LCMT1: variants seen among roughly 807,000 people sequenced by gnomAD.
LCMT1 encodes [Phosphatase 2A protein]-leucine-carboxy methyltransferase 1.
A neutral mutation model predicts 47.7 loss-of-function variants in LCMT1; 32 were observed. The ratio of observed to expected loss-of-function variants is 0.67; its 90% CI spans 0.51 to 0.90. The LOEUF (loss-of-function observed/expected upper bound fraction) is 0.90, where lower values mean the gene tolerates loss of function less well. LCMT1 is among the 40% of genes least tolerant of loss of function. LCMT1 has a pLI of 0.00. For synonymous variants in LCMT1, 152 were observed against 149.7 expected, an observed-to-expected ratio of 1.02 and a Z score of -0.11; for missense variants, 375 against 415.2, an observed-to-expected ratio of 0.90 and a Z score of 0.84.
intron 2 of LCMT1, among the ~76,000 whole-genome samples, chr16:25,129,301 G>GA (rs199746649): frequency 1.3e-4 from 18 of 138,346 alleles, no homozygotes; most frequent in East Asian, 8.4e-4. Flanking sequence ...GAGTAAAAAA[G>GA]AAAAAAAAAA....
chr16:25,136,584 C>G lies in LCMT1; in HGVS notation c.328-3587C>G, dbSNP rs1033477485. Among the ~76,000 whole-genome samples, 9 of 152,078 alleles carry G rather than the reference C, an allele frequency of 5.9e-5. No homozygotes were observed. The South Asian group carries it at 1.9e-3, about 32-fold the overall frequency. On this transcript the variant is annotated intron_variant, in intron 3 of 10. Coordinates refer to ENST00000399069, the MANE Select transcript of LCMT1 (RefSeq NM_016309.3). ...CCCATCAACCCGTCAGAGTCTCACT[C>G]TGTTGCCCAGGCTGCAGTGCAGTGG...
intron 1 of LCMT1, among the ~76,000 whole-genome samples, chr16:25,119,387 C>T (rs1395562278): frequency 1.3e-5 from 2 of 151,982 alleles, no homozygotes; most frequent in South Asian, 2.1e-4. Flanking sequence ...CTGGAATAGA[C>T]GCGATACTGA....
At chr16:25,122,911 G>A (rs939054130) in intron 1 of LCMT1, among the ~76,000 whole-genome samples, 2 of 152,034 alleles carry the variant, frequency 1.3e-5, no homozygotes, top group East Asian at 3.9e-4. Flanking sequence ...TCAGTCTCCT[G>A]TGTAGCTGGG....
intron 4 of LCMT1, chr16:25,149,167 A>T (rs990581855): frequency 6.6e-5 from 10 of 152,374 alleles, no homozygotes; most frequent in Admixed American, 6.5e-4. Flanking sequence ...GCGGGGCGAC[A>T]TGCAGCCCAG....
chr16:25,128,380 G>A, intron 1 of LCMT1, 95 bp from the exon 2 acceptor site: 1 of 855,992 alleles, frequency 1.2e-6, no homozygotes, highest in Non-Finnish European at 1.8e-6. Context: ...GGTTTTCGTC[G>A]AGTTCCTTGA....
chr16:25,169,035 A>G, intron 7 of LCMT1, 77 bp from the exon 8 acceptor site: 2 of 1,081,228 alleles, frequency 1.8e-6, no homozygotes, highest in East Asian at 2.4e-5. Flanking sequence ...GCTGCTTAAA[A>G]ATAGGATGAA....
intron 2 of LCMT1, 80 bp from the exon 3 acceptor site, chr16:25,132,322 T>A (rs758257962): frequency 1.1e-5 from 17 of 1,551,418 alleles, no homozygotes; most frequent in Middle Eastern, 3.4e-4. Flanking sequence ...GTTTTGCTCT[T>A]CTCCTGGGGT....
At chr16:25,118,915 C>T (rs1182633081) in intron 1 of LCMT1, among the ~76,000 whole-genome samples, 1 of 152,082 alleles carries the variant, frequency 6.6e-6, no homozygotes, top group Non-Finnish European at 1.5e-5. Context: ...GACTTTTCCT[C>T]TCAGTGGGGT....
intron 5 of LCMT1, among the ~76,000 whole-genome samples, chr16:25,156,442 G>A (rs998950364): frequency 1.3e-5 from 2 of 152,144 alleles, no homozygotes; most frequent in African/African-American, 2.4e-5. Context: ...TTTGTAATCC[G>A]CTTCAACTCT....
In LCMT1 at chr16:25,132,819, A is replaced by C. The variant is rs12325291; in HGVS notation, c.327+296A>C. The stretch of plus-strand genomic sequence containing the variant: ...TGTCAGGAGGAGAAATTCTACCAGT[A>C]GAATTGCTGGAATGGAGAGCTCATG... On this transcript the variant is annotated intron_variant, in intron 3 of 10. Coordinates refer to ENST00000399069, the MANE Select transcript of LCMT1 (RefSeq NM_016309.3). Among the ~76,000 whole-genome samples, 807 of 151,672 alleles carry C rather than the reference A, an allele frequency of 5.3e-3. 9 individuals carry two copies. The highest frequency in any genetic ancestry group is 0.018 in the African/African-American group (752 of 41,238).
chr16:25,114,367 A>AC (rs1174782671), intron 1 of LCMT1, among the ~76,000 whole-genome samples: 2 of 151,782 alleles, frequency 1.3e-5, no homozygotes, highest in Admixed American at 6.6e-5. Context: ...AGTCATCACC[A>AC]CCCCCCTCAT....
chr16:25,158,048 T>A (rs746807985), intron 5 of LCMT1, among the ~76,000 whole-genome samples: 1 of 152,262 alleles, frequency 6.6e-6, no homozygotes, highest in Non-Finnish European at 1.5e-5. Context: ...CACCCAGAAT[T>A]GCTTCCTGAG....
chr16:25,176,138 C>T (rs1961926019), intron 10 of LCMT1, among the ~76,000 whole-genome samples: 1 of 152,146 alleles, frequency 6.6e-6, no homozygotes, highest in African/African-American at 2.4e-5. Flanking sequence ...AGTAGGGCCA[C>T]GGAGAACAGG....
rs1295337838 is a variant in LCMT1, at chr16:25,132,589, TTCGAAATGTAAAC to T, written c.327+67_327+79del. The T allele has an allele frequency of 2.3e-3, 3,614 of 1,544,460 alleles. 59 individuals carry two copies. The African/African-American group carries it at 0.044, about 19-fold the overall frequency. ...TTTTTTTCGTTAGATTTTCACCTAA[TTCGAAATGTAAAC>T]ATATATTAAAAGTTATGCAGCGAAA... On this transcript the variant is annotated intron_variant, in intron 3 of 10. Transcript: ENST00000399069.
intron 3 of LCMT1, 42 bp from the exon 4 acceptor site, chr16:25,140,129 G>T: frequency 7.0e-7 from 1 of 1,428,476 alleles, no homozygotes; most frequent in Non-Finnish European, 9.8e-7. Flanking sequence ...ATCAGCACAT[G>T]TAAGAGTAAA....
chr16:25,137,450 T>A (rs981476938), intron 3 of LCMT1, among the ~76,000 whole-genome samples: 2 of 152,098 alleles, frequency 1.3e-5, no homozygotes, highest in Non-Finnish European at 2.9e-5. Context: ...GGCTTTTTCT[T>A]TTTTTTTCTT....
At chr16:25,115,004 A>G (rs915925147) in intron 1 of LCMT1, among the ~76,000 whole-genome samples, 1 of 152,088 alleles carries the variant, frequency 6.6e-6, no homozygotes, top group African/African-American at 2.4e-5. Context: ...CATGGAGCCT[A>G]TGCACGAGGC....
At chr16:25,149,499 C>T (rs1338042545) in intron 4 of LCMT1, among the ~76,000 whole-genome samples, 2 of 152,194 alleles carry the variant, frequency 1.3e-5, no homozygotes, top group Admixed American at 1.3e-4. Context: ...TGTTCTTTTT[C>T]ATTATGACTC....
intron 10 of LCMT1, 37 bp from the exon 11 acceptor site, chr16:25,177,962 CAG>C (rs777479840): frequency 6.2e-7 from 1 of 1,608,950 alleles, no homozygotes; most frequent in Non-Finnish European, 8.5e-7. Context: ...TCCTGGCCAC[CAG>C]AGTCTCCTAA....
Sources: allele counts gnomAD v4.1 joint callset (sites outside exome capture counted in the v4.1 genomes callset), GRCh38; gene constraint gnomAD v4.1.1; transcripts MANE v1.5; gene names NCBI Gene and HGNC (gene_info 2026-07-23, HGNC 2026-07-21).